The following ZNF254 variants were observed in gnomAD, a reference collection of about 807,000 sequenced individuals.
ZNF254 encodes zinc finger protein 254.
Under a neutral mutation model 12.4 loss-of-function variants are expected in ZNF254, and 10 were observed. The observed-to-expected ratio is 0.80, with a 90% CI of 0.50 to 1.36. ZNF254 has a LOEUF of 1.36. ZNF254 is among the 40% of genes most tolerant of loss of function. The pLI, the probability that ZNF254 is intolerant of heterozygous loss-of-function variation, is 0.00. For synonymous variants in ZNF254, 305 were observed against 253.4 expected (o/e 1.20, Z -1.93); for missense variants, 996 against 763.9 (o/e 1.30, Z -3.58).
intron 1 of ZNF254, chr19:24,105,339 T>A (rs1207649177): frequency 4.9e-6 from 1 of 203,550 alleles, no homozygotes; most frequent in East Asian, 1.6e-4. Flanking sequence ...CATCTTTGTT[T>A]ACAGGCTAGA....
chr19:24,126,726 A>G lies in ZNF254; in HGVS notation c.726A>G (p.Glu242=). The G allele has an allele frequency of 1.2e-6, 2 of 1,613,618 alleles. No individual in the cohort carries two copies. Among genetic ancestry groups the G allele is most frequent in the South Asian group, 1.1e-5 (1 of 91,030 alleles). ...YTEEKPYKCE[E]YNKSPKQLST... ...AAGAGAAACCTTACAAATGTGAAGAATATAACAAATCTCCTAAGCAACTCT... is the reference window on the plus strand; with the variant it reads ...AAGAGAAACCTTACAAATGTGAAGAGTATAACAAATCTCCTAAGCAACTCT... The change falls in exon 4 of 4, where the codon GAA becomes GAG. Residue 242 remains glutamate, a synonymous_variant. Transcript: ENST00000357002.
At chr19:24,063,157 A>G (rs767504976) in intron 2 of ZNF254, among the ~76,000 whole-genome samples, 29 of 152,162 alleles carry the variant, frequency 1.9e-4, no homozygotes, top group Non-Finnish European at 4.1e-4. Flanking sequence ...CCAGTCCACC[A>G]TTGAGACTGA....
At chr19:24,101,288 C>T (rs1024555924) in intron 1 of ZNF254, among the ~76,000 whole-genome samples, 3 of 152,286 alleles carry the variant, frequency 2.0e-5, no homozygotes, top group African/African-American at 7.2e-5. Flanking sequence ...TAAGGTCTGG[C>T]CTCTGCCTGG....
intron 1 of ZNF254, among the ~76,000 whole-genome samples, chr19:24,041,901 T>C (rs1283247617): frequency 6.6e-6 from 1 of 152,200 alleles, no homozygotes; most frequent in African/African-American, 2.4e-5. Flanking sequence ...ATCTAGCTGC[T>C]CTGGTGAGGA....
chr19:24,091,986 T>G (rs1015987596), intron 1 of ZNF254: 2 of 215,122 alleles, frequency 9.3e-6, no homozygotes, highest in African/African-American at 4.7e-5. Flanking sequence ...TTCACGCCGT[T>G]CTCAGCCTCT....
chr19:24,060,981 T>C (rs62114824), intron 2 of ZNF254, among the ~76,000 whole-genome samples: 6 of 152,102 alleles, frequency 3.9e-5, no homozygotes, highest in African/African-American at 7.2e-5. Context: ...CCTACCCTCA[T>C]TGATTTTTGT....
At chr19:24,095,369 G>A (rs1306159695) in intron 1 of ZNF254, among the ~76,000 whole-genome samples, 1 of 152,096 alleles carries the variant, frequency 6.6e-6, no homozygotes, top group Non-Finnish European at 1.5e-5. Flanking sequence ...TCTTTGCCAG[G>A]TTTTGGTATC....
chr19:24,059,250 T>A (rs541967238), intron 2 of ZNF254, among the ~76,000 whole-genome samples: 47 of 152,308 alleles, frequency 3.1e-4, no homozygotes, highest in African/African-American at 1.1e-3. Flanking sequence ...CTACCCTGTG[T>A]TTGCCTGTAA....
chr19:24,068,475 A>G (rs1241027626), intron 2 of ZNF254, among the ~76,000 whole-genome samples: 2 of 151,954 alleles, frequency 1.3e-5, no homozygotes, highest in African/African-American at 4.8e-5. Context: ...TAATTTTTGT[A>G]TTTTTAGTAG....
In ZNF254 at chr19:24,128,025, T is replaced by C. The variant is rs1417579883; in HGVS notation, c.*45T>C. ...GAAAACCCTCAATTCTTAATAGATA[T>C]AAGATTATTCCTACTGGAGAGAAAC... On this transcript the variant is annotated 3_prime_UTR_variant, in exon 4 of 4. Coordinates refer to ENST00000357002, the MANE Select transcript of ZNF254 (RefSeq NM_203282.4). 7 of 1,488,428 alleles carry C rather than the reference T, an allele frequency of 4.7e-6. No homozygotes were observed. The highest frequency in any genetic ancestry group is 4.6e-5 in the East Asian group (2 of 43,802). The allele number at this position is 1,488,428 out of a possible 1,614,324, so 92.2% of individuals were successfully genotyped here.
At chr19:24,079,663 T>C (rs1018428516) in intron 2 of ZNF254, 15 of 152,358 alleles carry the variant, frequency 9.8e-5, no homozygotes, top group African/African-American at 2.9e-4. Context: ...CATTTTGTTG[T>C]CTCTGTGTTA....
At chr19:24,037,887 G>A (rs762312616) in intron 1 of ZNF254, among the ~76,000 whole-genome samples, 6 of 152,146 alleles carry the variant, frequency 3.9e-5, no homozygotes, top group Non-Finnish European at 8.8e-5. Context: ...GGGATTATAG[G>A]CGTGAGACAT....
At chr19:24,084,218 C>G (rs879304412), upstream of ZNF254, among the ~76,000 whole-genome samples, 105 of 148,670 alleles carry the variant, frequency 7.1e-4, 7 homozygotes, top group Middle Eastern at 3.6e-3. Context: ...GAATGCTACT[C>G]AATCATAACA....
intron 1 of ZNF254, among the ~76,000 whole-genome samples, chr19:24,034,835 G>A (rs574539805): frequency 6.6e-6 from 1 of 151,040 alleles, no homozygotes; most frequent in Non-Finnish European, 1.5e-5. Context: ...CCAGGCTGGA[G>A]TGCAGTGGTG....
Position 24,050,092 on chromosome 19 carries a change from C to A in ZNF254, c.-94+3813C>A, listed in dbSNP as rs146666675. Among the ~76,000 whole-genome samples the A allele has an allele frequency of 6.8e-3, 1,032 of 152,066 alleles. 2 individuals are homozygous for A. Among genetic ancestry groups the A allele is most frequent in the Non-Finnish European group, 9.9e-3 (675 of 67,984 alleles). On this transcript the variant is annotated intron_variant, in intron 2 of 4. Transcript: ENST00000613065. ...GAGTCTCCTGCCTGGACCCTGCCTA[C>A]AAGGTGCATTGTAACATATCTGGGG...
At chr19:24,047,923 G>T (rs1319440613) in intron 2 of ZNF254, among the ~76,000 whole-genome samples, 1 of 150,618 alleles carries the variant, frequency 6.6e-6, no homozygotes, top group African/African-American at 2.4e-5. Context: ...CTGACGTCAG[G>T]TGATCTGCCC....
chr19:24,114,725 A>G (rs1355213313), intron 3 of ZNF254, among the ~76,000 whole-genome samples: 1 of 143,832 alleles, frequency 7.0e-6, no homozygotes, highest in Non-Finnish European at 1.5e-5. Flanking sequence ...AGAAACTACC[A>G]TCAGAGTCAA....
At chr19:24,069,704 G>A (rs1971413682) in intron 2 of ZNF254, among the ~76,000 whole-genome samples, 1 of 151,442 alleles carries the variant, frequency 6.6e-6, no homozygotes, top group Non-Finnish European at 1.5e-5. Context: ...TGTAATCTCA[G>A]CACTTTGGGA....
chr19:24,067,889 CTT>C (rs1461105273), intron 2 of ZNF254, among the ~76,000 whole-genome samples: 3 of 152,152 alleles, frequency 2.0e-5, no homozygotes, highest in African/African-American at 7.2e-5. Flanking sequence ...TATGAAATAA[CTT>C]TTTATTCATC....
Sources: gnomAD v4.1 joint callset for allele counts (sites outside exome capture counted in the v4.1 genomes callset) on GRCh38, gnomAD v4.1.1 for gene constraint, MANE v1.5 for transcripts, NCBI Gene and HGNC (gene_info 2026-07-23, HGNC 2026-07-21) for gene names.